The following STK38 variants were observed in gnomAD, a reference collection of about 807,000 sequenced individuals.
The protein encoded by STK38 is serine/threonine-protein kinase 38.
In STK38, 26 loss-of-function variants were observed where a neutral mutation model predicts 59.0. The observed-to-expected ratio is 0.44, with a 90% CI of 0.32 to 0.61. STK38 has a LOEUF of 0.61. Ranked by LOEUF, STK38 falls within the 20% of genes least tolerant of loss-of-function variation. The pLI, the probability that STK38 is intolerant of heterozygous loss-of-function variation, is 0.04. For missense variants in STK38, 433 were observed against 566.0 expected, an observed-to-expected ratio of 0.76 and a Z score of 2.38; for synonymous variants, 175 against 176.6, an observed-to-expected ratio of 0.99 and a Z score of 0.07.
At chr6:36,504,306 T>A (rs1250376836) in intron 9 of STK38, among the ~76,000 whole-genome samples, 1 of 152,230 alleles carries the variant, frequency 6.6e-6, no homozygotes, top group Non-Finnish European at 1.5e-5. Context: ...ACAATATGAT[T>A]TAAGCAGCCG....
intron 1 of STK38, among the ~76,000 whole-genome samples, chr6:36,542,230 G>C (rs1457715902): frequency 6.6e-6 from 1 of 152,110 alleles, no homozygotes; most frequent in East Asian, 1.9e-4. Flanking sequence ...ATTAAAAATG[G>C]TAATCTGATA....
chr6:36,496,320 G>A (rs1036573872), intron 13 of STK38, among the ~76,000 whole-genome samples: 2 of 152,206 alleles, frequency 1.3e-5, no homozygotes, highest in South Asian at 4.1e-4. Flanking sequence ...GGGGTTTCAG[G>A]CATGAGCCAC....
At chr6:36,527,852 C>T (rs1777568576) in intron 2 of STK38, among the ~76,000 whole-genome samples, 2 of 151,674 alleles carry the variant, frequency 1.3e-5, no homozygotes, top group Non-Finnish European at 2.9e-5. Context: ...GTAATCCCAG[C>T]ACTTTGAGAG....
intron 2 of STK38, among the ~76,000 whole-genome samples, chr6:36,530,806 C>T (rs966780991): frequency 1.3e-5 from 2 of 151,492 alleles, no homozygotes; most frequent in African/African-American, 4.9e-5. Context: ...TCTTGTGCCT[C>T]AACCTCCCGA....
intron 2 of STK38, among the ~76,000 whole-genome samples, chr6:36,533,548 A>G (rs1309068608): frequency 6.6e-6 from 1 of 152,356 alleles, no homozygotes; most frequent in East Asian, 1.9e-4. Flanking sequence ...CAAAGAATGC[A>G]AAGCACTGCT....
intron 2 of STK38, 92 bp downstream of exon 2, chr6:36,539,980 A>G: frequency 6.4e-7 from 1 of 1,558,764 alleles, no homozygotes; most frequent in Non-Finnish European, 8.7e-7. Context: ...GGCTGCTACT[A>G]TTCTTGTCTC....
intron 10 of STK38, among the ~76,000 whole-genome samples, chr6:36,498,757 TTTTA>T (rs1776768300): frequency 6.6e-6 from 1 of 151,958 alleles, no homozygotes; most frequent in South Asian, 2.1e-4. Flanking sequence ...CCAGCTGATT[TTTTA>T]TTTTTCTTTT....
chr6:36,520,145 C>G (rs1192980756), intron 5 of STK38, among the ~76,000 whole-genome samples: 1 of 152,216 alleles, frequency 6.6e-6, no homozygotes, highest in Admixed American at 6.5e-5. Flanking sequence ...GAGACTTTAA[C>G]TGGCTCATAA....
chr6:36,518,872 T>C (rs751402245), intron 5 of STK38, among the ~76,000 whole-genome samples: 3 of 152,260 alleles, frequency 2.0e-5, no homozygotes, highest in Admixed American at 6.5e-5. Flanking sequence ...AAGTAAAACA[T>C]GTACCAAGGT....
rs1171220772 is a variant in STK38, at chr6:36,524,327, G to C, written c.306+14C>G. ...GCAATATTTTTCTACTTGACAAGTA[G>C]CTGTGATTTTTACCTCACCAAATGC... On this transcript the variant is annotated intron_variant, in intron 4 of 13. Transcript: ENST00000229812. The C allele has an allele frequency of 3.1e-6, 5 of 1,595,432 alleles. No individual in the cohort carries two copies. The highest frequency in any genetic ancestry group is 1.4e-5 in the African/African-American group (1 of 73,620).
rs150972755 is a variant in STK38 at position 36,526,059 on chromosome 6, C to G, written c.132-417G>C. Among the ~76,000 whole-genome samples, 783 of 152,256 alleles carry G rather than the reference C, an allele frequency of 5.1e-3. 3 individuals are homozygous for G. Among genetic ancestry groups the G allele is most frequent in the African/African-American group, 0.017 (724 of 41,544 alleles). ...AGAAATGAGGTCTCATTATATTGCC[C>G]AGGCTGGTCTCAAACTCCAGCCTGA... On this transcript the variant is annotated intron_variant, in intron 2 of 13. Transcript: ENST00000229812.
At chr6:36,544,985 C>T (rs1451226741) in intron 1 of STK38, among the ~76,000 whole-genome samples, 2 of 152,086 alleles carry the variant, frequency 1.3e-5, no homozygotes, top group African/African-American at 4.8e-5. Flanking sequence ...TTTTAGTTGT[C>T]AACAAAGCTA....
intron 8 of STK38, 87 bp from the exon 9 acceptor site, chr6:36,506,731 AC>A (rs1776971729): frequency 3.3e-6 from 4 of 1,202,382 alleles, no homozygotes; most frequent in Non-Finnish European, 4.7e-6. Context: ...GTCACATGAG[AC>A]CCTAAAGTCT....
chr6:36,497,547 A>G (rs369489106), intron 12 of STK38, among the ~76,000 whole-genome samples: 2 of 152,194 alleles, frequency 1.3e-5, no homozygotes, highest in East Asian at 1.9e-4. Context: ...ACCTCAAAAA[A>G]CAAAGTTCAC....
chr6:36,543,702 C>T lies in STK38; in HGVS notation c.-6+3488G>A, dbSNP rs1337736081. ...TGTCGCCCAGGCTGGAGTGCAATGGCACAATCTCGGTGCACTGCAACCTCC... is the reference window on the plus strand; with the variant it reads ...TGTCGCCCAGGCTGGAGTGCAATGGTACAATCTCGGTGCACTGCAACCTCC... On this transcript the variant is annotated intron_variant, in intron 1 of 13. Transcript: ENST00000229812. 2.0e-5 allele frequency among the ~76,000 whole-genome samples: 3 copies of T among 152,134 alleles called. No individual in the cohort carries two copies. The East Asian group carries it at 5.8e-4, about 29-fold the overall frequency.
chr6:36,500,534 G>T (rs895593569), intron 9 of STK38, among the ~76,000 whole-genome samples: 24 of 151,932 alleles, frequency 1.6e-4, no homozygotes, highest in African/African-American at 5.8e-4. Context: ...GGCTGAGGTG[G>T]GCGGATCACG....
intron 2 of STK38, among the ~76,000 whole-genome samples, chr6:36,532,257 T>C (rs1215235177): frequency 1.4e-5 from 2 of 143,292 alleles, no homozygotes; most frequent in Non-Finnish European, 3.0e-5. Context: ...GAGCGAGCCA[T>C]GATCACATCA....
In STK38 at chr6:36,499,960, T is replaced by C; in HGVS notation, c.865A>G (p.Ile289Val). Reference sequence around the variant, plus strand: ...GTCTGCATGAACACCTCAGGAGCAATGTAGTCAGGAGTGCCTACTGTGGAG... The same window carrying C: ...GTCTGCATGAACACCTCAGGAGCAACGTAGTCAGGAGTGCCTACTGTGGAG... ...AFSTVGTPDY[I>V]APEVFMQTGY... Residue 289 changes from isoleucine to valine, a missense_variant, in exon 10 of 14, where the codon ATT becomes GTT. Physicochemically the swap from Ile to Val is conservative, Grantham distance 29. This residue lies in a region of STK38 where 293 missense variants were observed against 388.2 expected (regional missense o/e 0.75). Transcript: ENST00000229812. 6.2e-7 allele frequency: 1 copy of C among 1,614,012 alleles called. No homozygotes were observed. The highest frequency in any genetic ancestry group is 8.5e-7 in the Non-Finnish European group (1 of 1,179,970).
chr6:36,520,411 T>G (rs748678914), intron 5 of STK38, among the ~76,000 whole-genome samples: 13 of 152,202 alleles, frequency 8.5e-5, no homozygotes, highest in Non-Finnish European at 1.9e-4. Context: ...AATTACTAAC[T>G]GAAAATCATA....
Sources: gnomAD v4.1 joint callset for allele counts (sites outside exome capture counted in the v4.1 genomes callset) on GRCh38, gnomAD v4.1.1 for gene constraint, gnomAD v4.1.1 regional missense constraint, MANE v1.5 for transcripts, NCBI Gene and HGNC (gene_info 2026-07-23, HGNC 2026-07-21) for gene names.